NRF1: variants seen among roughly 807,000 people sequenced by gnomAD.
NRF1 encodes the protein nuclear respiratory factor 1.
In NRF1, 5 loss-of-function variants were observed where a neutral mutation model predicts 58.5. That is an observed-to-expected ratio of 0.09 (90% CI 0.04 to 0.18). The LOEUF is 0.18. Among genes scored for constraint, NRF1 ranks in the 10% least tolerant of loss-of-function variants. The pLI is 1.00. For synonymous variants in NRF1, 224 were observed against 246.7 expected, an observed-to-expected ratio of 0.91 and a Z score of 0.86; for missense variants, 288 against 657.7, an observed-to-expected ratio of 0.44 and a Z score of 6.15.
intron 10 of NRF1, chr7:129,744,114 C>A: frequency 6.8e-7 from 1 of 1,463,196 alleles, no homozygotes; most frequent in Non-Finnish European, 9.2e-7. Context: ...GGGCTGGTGG[C>A]CCATCTTGCC....
chr7:129,752,510 T>TA (rs1804143290), intron 10 of NRF1, among the ~76,000 whole-genome samples: 1 of 151,982 alleles, frequency 6.6e-6, no homozygotes, highest in Non-Finnish European at 1.5e-5. Flanking sequence ...GGAAACCTTT[T>TA]AAAAACCATG....
chr7:129,663,604 G>A (rs1420021595), intron 2 of NRF1, among the ~76,000 whole-genome samples: 4 of 151,096 alleles, frequency 2.6e-5, no homozygotes, highest in South Asian at 2.1e-4. Context: ...CTTCCTAGAC[G>A]GGGTGGCGGC....
At chr7:129,646,178 T>G (rs1238284503) in intron 1 of NRF1, among the ~76,000 whole-genome samples, 1 of 152,238 alleles carries the variant, frequency 6.6e-6, no homozygotes, top group Non-Finnish European at 1.5e-5. Flanking sequence ...CTTAGCATCT[T>G]TTTAATGATT....
chr7:129,701,681 G>C (rs1802829914), intron 5 of NRF1, among the ~76,000 whole-genome samples: 1 of 152,142 alleles, frequency 6.6e-6, no homozygotes, highest in Admixed American at 6.5e-5. Context: ...GGTACTCTTA[G>C]TGACAGTGGG....
chr7:129,731,271 GA>G (rs10708899), intron 10 of NRF1, among the ~76,000 whole-genome samples: 63,636 of 122,718 alleles, frequency 0.52, 15,382 homozygotes, highest in Non-Finnish European at 0.59. Flanking sequence ...ACTCCGTCTT[GA>G]AAAAAAAAAA....
Position 129,710,415 on chromosome 7 carries a change from T to C in NRF1, c.807T>C (p.Cys269=). 4 of 1,614,170 alleles carry C rather than the reference T, an allele frequency of 2.5e-6. No individual in the cohort carries two copies. Among genetic ancestry groups the C allele is most frequent in the Non-Finnish European group, 3.4e-6 (4 of 1,180,032 alleles). The change falls in exon 7 of 11, where the codon TGT becomes TGC. Residue 269 remains cysteine (C), a synonymous_variant. Coordinates refer to ENST00000393232, the MANE Select transcript of NRF1 (RefSeq NM_005011.5). The part of the protein sequence containing the change: ...TQALRTIVKN[C]YKQHGREDLL... Reference sequence around the variant, plus strand: ...CACTACGGACCATAGTTAAAAACTGTTATAAACAGCATGGGCGGGAAGACC... The same window carrying C: ...CACTACGGACCATAGTTAAAAACTGCTATAAACAGCATGGGCGGGAAGACC...
intron 10 of NRF1, among the ~76,000 whole-genome samples, chr7:129,751,214 G>A (rs1490840131): frequency 6.6e-6 from 1 of 152,232 alleles, no homozygotes; most frequent in Admixed American, 6.5e-5. Context: ...TCTGGCTGGC[G>A]TGTGAAGTGA....
At chr7:129,652,588 AATTTATTTTTATTTATTT>A (rs1801560767) in intron 1 of NRF1, among the ~76,000 whole-genome samples, 2 of 151,848 alleles carry the variant, frequency 1.3e-5, no homozygotes, top group Non-Finnish European at 2.9e-5. Context: ...CCTTTTTTAA[AATTTATTTTTATTTATTT>A]ATTTATTTGA....
chr7:129,644,334 G>A (rs1384175344), intron 1 of NRF1, among the ~76,000 whole-genome samples: 1 of 152,156 alleles, frequency 6.6e-6, no homozygotes, highest in Non-Finnish European at 1.5e-5. Flanking sequence ...AACGTCTGTA[G>A]GGCAAGGACA....
chr7:129,747,072 A>G (rs1803993498), intron 10 of NRF1, among the ~76,000 whole-genome samples: 1 of 152,164 alleles, frequency 6.6e-6, no homozygotes, highest in African/African-American at 2.4e-5. Context: ...GGTGCTGGAT[A>G]ACTTCAACAG....
intron 2 of NRF1, among the ~76,000 whole-genome samples, chr7:129,671,203 G>A (rs1040890332): frequency 6.6e-6 from 1 of 152,182 alleles, no homozygotes; most frequent in Admixed American, 6.5e-5. Context: ...ATGGGGAGGT[G>A]TAAGTCATTT....
At chr7:129,735,058 T>A (rs1460321862) in intron 10 of NRF1, 1 of 985,302 alleles carries the variant, frequency 1.0e-6, no homozygotes, top group African/African-American at 1.7e-5. Flanking sequence ...CACCGGGTCT[T>A]CCACTTGGCT....
chr7:129,752,873 C>T (rs1404737026), intron 10 of NRF1, among the ~76,000 whole-genome samples: 2 of 152,204 alleles, frequency 1.3e-5, no homozygotes, highest in Admixed American at 6.5e-5. Context: ...CCCATGCCCA[C>T]GTGCACTTGG....
At chr7:129,696,759 A>G (rs1434133069) in intron 5 of NRF1, among the ~76,000 whole-genome samples, 1 of 152,214 alleles carries the variant, frequency 6.6e-6, no homozygotes, top group African/African-American at 2.4e-5. Context: ...TACATTCTGA[A>G]TCATCTAAAG....
intron 3 of NRF1, among the ~76,000 whole-genome samples, chr7:129,673,803 CATGTATCCCAGAACTTAAAGTAAA>C (rs1802111479): frequency 6.6e-6 from 1 of 150,660 alleles, no homozygotes; most frequent in African/African-American, 2.4e-5. Context: ...CAAACCTGCA[CATGTATCCCAGAACTTAAAGTAAA>C]ATTAAAAAAA....
At chr7:129,746,242 GGGAAAGAAATGCTT>G (rs1310057466) in intron 10 of NRF1, among the ~76,000 whole-genome samples, 10 of 152,158 alleles carry the variant, frequency 6.6e-5, no homozygotes, top group Admixed American at 6.5e-4. Context: ...CAGAACCACT[GGGAAAGAAATGCTT>G]TTTCTCTTCC....
At chr7:129,712,123 C>T (rs1279506756) in intron 8 of NRF1, among the ~76,000 whole-genome samples, 2 of 116,104 alleles carry the variant, frequency 1.7e-5, no homozygotes, top group African/African-American at 6.8e-5. Flanking sequence ...ACACTCAACC[C>T]TATGAAGTAT....
chr7:129,681,544 G>A (rs1243730100), intron 4 of NRF1, among the ~76,000 whole-genome samples: 1 of 152,116 alleles, frequency 6.6e-6, no homozygotes, highest in Non-Finnish European at 1.5e-5. Context: ...GCAACCAGGG[G>A]TCATTTAATA....
intron 4 of NRF1, among the ~76,000 whole-genome samples, chr7:129,687,125 ACTT>A (rs1802459919): frequency 6.6e-6 from 1 of 152,112 alleles, no homozygotes; most frequent in Non-Finnish European, 1.5e-5. Flanking sequence ...CTTTTGAATT[ACTT>A]CTTGTTTCAG....
Sources: allele counts gnomAD v4.1 joint callset (sites outside exome capture counted in the v4.1 genomes callset), GRCh38; gene constraint gnomAD v4.1.1; transcripts MANE v1.5; gene names NCBI Gene and HGNC (gene_info 2026-07-23, HGNC 2026-07-21).